Variants in KCNH5 observed in about 807,000 individuals in gnomAD.
The protein encoded by KCNH5 is voltage-gated delayed rectifier potassium channel KCNH5.
Under a neutral mutation model 96.1 loss-of-function variants are expected in KCNH5, and 46 were observed. That is an observed-to-expected ratio of 0.48 (90% CI 0.38 to 0.61). KCNH5 has a LOEUF of 0.61. Ranked by LOEUF, KCNH5 falls within the 20% of genes least tolerant of loss-of-function variation. KCNH5 has a pLI of 0.00. For synonymous variants in KCNH5, 439 were observed against 449.8 expected (o/e 0.98, Z 0.30); for missense variants, 907 against 1,225.8 (o/e 0.74, Z 3.88).
intron 8 of KCNH5, among the ~76,000 whole-genome samples, chr14:62,806,591 T>C (rs1886771248): frequency 6.6e-6 from 1 of 152,068 alleles, no homozygotes; most frequent in Non-Finnish European, 1.5e-5. Context: ...TGGATAACTT[T>C]GGGTAAGTGG....
chr14:63,024,184 G>A (rs1275863335), intron 1 of KCNH5, among the ~76,000 whole-genome samples: 1 of 143,426 alleles, frequency 7.0e-6, no homozygotes, highest in Non-Finnish European at 1.6e-5. Flanking sequence ...ACTCCAGCCT[G>A]GGCAATAGAG....
At chr14:62,710,954 T>C (rs1241428558) in intron 10 of KCNH5, among the ~76,000 whole-genome samples, 1 of 152,198 alleles carries the variant, frequency 6.6e-6, no homozygotes, top group African/African-American at 2.4e-5. Context: ...TGGTATATAA[T>C]AGACAAGGAC....
chr14:62,867,332 T>C (rs537715306), intron 7 of KCNH5, among the ~76,000 whole-genome samples: 1 of 152,320 alleles, frequency 6.6e-6, no homozygotes, highest in Non-Finnish European at 1.5e-5. Flanking sequence ...TCTCCTACAA[T>C]GGCTTCCTAA....
intron 6 of KCNH5, among the ~76,000 whole-genome samples, chr14:62,953,267 T>TC (rs1413246824): frequency 1.3e-5 from 2 of 152,050 alleles, no homozygotes; most frequent in Non-Finnish European, 2.9e-5. Flanking sequence ...TAGCCAACCC[T>TC]CCAACTGACG....
At chr14:62,865,624 C>A (rs146681058) in intron 7 of KCNH5, among the ~76,000 whole-genome samples, 10 of 152,322 alleles carry the variant, frequency 6.6e-5, no homozygotes, top group African/African-American at 2.2e-4. Context: ...GCTGTCTTGG[C>A]ACTCTGCATA....
chr14:62,898,783 T>A (rs10483759), intron 7 of KCNH5, among the ~76,000 whole-genome samples: 2 of 151,984 alleles, frequency 1.3e-5, no homozygotes, highest in African/African-American at 4.8e-5. Flanking sequence ...GTAAAAATAA[T>A]GGATAGAGGT....
intron 4 of KCNH5, among the ~76,000 whole-genome samples, chr14:62,992,797 T>C (rs1044720343): frequency 1.3e-5 from 2 of 152,106 alleles, no homozygotes; most frequent in African/African-American, 4.8e-5. Context: ...TTTCTTTTGC[T>C]GTATAGAAGC....
At chr14:62,925,820 G>C (rs1476095290) in intron 7 of KCNH5, among the ~76,000 whole-genome samples, 1 of 151,816 alleles carries the variant, frequency 6.6e-6, no homozygotes. Context: ...ATAAATAATA[G>C]TTAAATGGTT....
chr14:62,827,542 G>A (rs1887251671), intron 8 of KCNH5, among the ~76,000 whole-genome samples: 1 of 152,116 alleles, frequency 6.6e-6, no homozygotes, highest in South Asian at 2.1e-4. Flanking sequence ...ACAGCTTGCT[G>A]AAATATAAAA....
chr14:62,987,553 G>T (rs1360821540), intron 4 of KCNH5, among the ~76,000 whole-genome samples: 1 of 152,112 alleles, frequency 6.6e-6, no homozygotes, highest in Non-Finnish European at 1.5e-5. Context: ...TCTCAGTATG[G>T]CCTATGTCCC....
chr14:62,789,870 T>C (rs944463309), intron 9 of KCNH5, among the ~76,000 whole-genome samples: 1 of 151,994 alleles, frequency 6.6e-6, no homozygotes, highest in Admixed American at 6.6e-5. Context: ...ATTTTGTTGA[T>C]TGTTTCCCTT....
intron 1 of KCNH5, among the ~76,000 whole-genome samples, chr14:63,041,166 G>A (rs1251469764): frequency 2.6e-5 from 4 of 152,092 alleles, no homozygotes; most frequent in Admixed American, 6.6e-5. Flanking sequence ...TGAGTAAAAT[G>A]TGCTGCCCAA....
chr14:62,794,204 T>C (rs1254584960), intron 9 of KCNH5, among the ~76,000 whole-genome samples: 3 of 152,030 alleles, frequency 2.0e-5, no homozygotes, highest in Non-Finnish European at 4.4e-5. Flanking sequence ...GAAGGGTTTT[T>C]GTAACGTATA....
chr14:62,925,072 T>C (rs759988193), intron 7 of KCNH5, among the ~76,000 whole-genome samples: 49 of 152,018 alleles, frequency 3.2e-4, no homozygotes, highest in Non-Finnish European at 4.7e-4. Flanking sequence ...GCACATTTTA[T>C]ATATATATAA....
At chr14:62,829,330 C>T (rs1566674448) in intron 8 of KCNH5, among the ~76,000 whole-genome samples, 1 of 152,148 alleles carries the variant, frequency 6.6e-6, no homozygotes, top group Non-Finnish European at 1.5e-5. Flanking sequence ...CCTCTGGGGG[C>T]TCCAACCCCA....
chr14:62,793,154 A>G (rs11158454), intron 9 of KCNH5, among the ~76,000 whole-genome samples: 87,608 of 151,356 alleles, frequency 0.58, 25,621 homozygotes, highest in South Asian at 0.8. Flanking sequence ...GATGGGGGAA[A>G]GGATAGTTTT....
At chr14:62,974,468 T>A (rs905535379) in intron 6 of KCNH5, among the ~76,000 whole-genome samples, 1 of 152,184 alleles carries the variant, frequency 6.6e-6, no homozygotes, top group African/African-American at 2.4e-5. Flanking sequence ...TTACCCTCTG[T>A]TTACAGCTTT....
intron 2 of KCNH5, among the ~76,000 whole-genome samples, chr14:63,009,353 C>T (rs976344865): frequency 6.6e-6 from 1 of 152,064 alleles, no homozygotes; most frequent in Non-Finnish European, 1.5e-5. Flanking sequence ...TTTAAATAAA[C>T]CATAAAAATT....
chr14:62,809,550 A>T (rs1449520451), intron 8 of KCNH5, among the ~76,000 whole-genome samples: 1 of 152,124 alleles, frequency 6.6e-6, no homozygotes, highest in Non-Finnish European at 1.5e-5. Context: ...CTCAACTCAT[A>T]GGTATTTGAG....
Sources: gnomAD v4.1 joint callset for allele counts (sites outside exome capture counted in the v4.1 genomes callset) on GRCh38, gnomAD v4.1.1 for gene constraint, MANE v1.5 for transcripts, NCBI Gene and HGNC (gene_info 2026-07-23, HGNC 2026-07-21) for gene names.